Variants in PRKG2 observed in about 807,000 individuals in gnomAD.
The protein encoded by PRKG2 is protein kinase cGMP-dependent 2, also known as cGMP-dependent protein kinase 2.
PRKG2 carries 33 observed loss-of-function variants against 97.2 expected under a neutral mutation model. That is an observed-to-expected ratio of 0.34 (90% CI 0.26 to 0.45). The LOEUF (loss-of-function observed/expected upper bound fraction) is 0.45. PRKG2 is among the 20% of genes least tolerant of loss of function. The pLI is 1.00. For missense variants in PRKG2, 638 were observed against 900.0 expected (o/e 0.71, Z 3.73); for synonymous variants, 330 against 321.8 (o/e 1.03, Z -0.27).
chr4:81,157,900 C>A (rs921362879), intron 6 of PRKG2, among the ~76,000 whole-genome samples: 1 of 146,784 alleles, frequency 6.8e-6, no homozygotes, highest in Middle Eastern at 3.2e-3. Context: ...TAAAAACTCT[C>A]AATAAATTAG....
chr4:81,104,673 A>T (rs938925305), intron 16 of PRKG2, among the ~76,000 whole-genome samples: 1 of 152,014 alleles, frequency 6.6e-6, no homozygotes, highest in African/African-American at 2.4e-5. Context: ...ATATATATAT[A>T]TGTGTGTATA....
intron 9 of PRKG2, among the ~76,000 whole-genome samples, chr4:81,147,421 G>T (rs1276347603): frequency 6.6e-6 from 1 of 152,194 alleles, no homozygotes; most frequent in South Asian, 2.1e-4. Flanking sequence ...GGCATCCAAA[G>T]ATTACCTTTA....
At chr4:81,208,213 A>G (rs1439318678) in intron 1 of PRKG2, among the ~76,000 whole-genome samples, 1 of 152,148 alleles carries the variant, frequency 6.6e-6, no homozygotes, top group East Asian at 1.9e-4. Context: ...ATTTATATCC[A>G]TCTCGTAGGG....
chr4:81,196,314 A>T (rs1009731159), intron 2 of PRKG2, among the ~76,000 whole-genome samples: 1 of 152,232 alleles, frequency 6.6e-6, no homozygotes, highest in African/African-American at 2.4e-5. Context: ...GTCAGAGAAG[A>T]TGACTTAAAT....
chr4:81,152,167 G>A, intron 7 of PRKG2, 113 bp from the exon 8 acceptor site: 1 of 761,634 alleles, frequency 1.3e-6, no homozygotes, highest in South Asian at 1.9e-5. Flanking sequence ...CAAGGAAAAA[G>A]ACAATACTTT....
chr4:81,153,233 A>G (rs1378457326), intron 7 of PRKG2, among the ~76,000 whole-genome samples: 2 of 152,238 alleles, frequency 1.3e-5, no homozygotes, highest in Admixed American at 6.5e-5. Flanking sequence ...CCTAATCATG[A>G]CTGTCTTCAA....
chr4:81,203,700 A>G (rs1753457507), intron 2 of PRKG2, among the ~76,000 whole-genome samples: 1 of 152,210 alleles, frequency 6.6e-6, no homozygotes, highest in African/African-American at 2.4e-5. Context: ...TCGCCCATAA[A>G]GAAATGCATA....
intron 2 of PRKG2, among the ~76,000 whole-genome samples, chr4:81,194,819 A>C (rs940846494): frequency 3.3e-5 from 5 of 152,224 alleles, no homozygotes; most frequent in African/African-American, 1.2e-4. Flanking sequence ...TTAAATCTTC[A>C]AACCAAGTAG....
chr4:81,213,168 T>G (rs1256162360), intron 1 of PRKG2, among the ~76,000 whole-genome samples: 1 of 152,132 alleles, frequency 6.6e-6, no homozygotes, highest in Non-Finnish European at 1.5e-5. Flanking sequence ...GTCATCATGA[T>G]GCAAATGTCT....
In PRKG2 at chr4:81,124,900, T is replaced by C. The variant is rs115534931; in HGVS notation, c.1776+10255A>G. On this transcript the variant is annotated intron_variant, in intron 14 of 18. Transcript: ENST00000264399. ...CCCAGTTTAGAATTGTGGGGGTCCC[T>C]TTACCTGATGATTGGTGTCATTTTT... Among the ~76,000 whole-genome samples the C allele has an allele frequency of 6.9e-3, 1,056 of 152,320 alleles. 8 individuals carry two copies. The highest frequency in any genetic ancestry group is 0.024 in the African/African-American group (997 of 41,578).
intron 1 of PRKG2, among the ~76,000 whole-genome samples, chr4:81,210,940 A>C (rs963385824): frequency 1.3e-5 from 2 of 152,176 alleles, no homozygotes; most frequent in Non-Finnish European, 1.5e-5. Context: ...GAAAGAAGCC[A>C]ATCTGAAAAG....
At chr4:81,097,532 C>T (rs114738147) in intron 17 of PRKG2, among the ~76,000 whole-genome samples, 2,496 of 152,258 alleles carry the variant, frequency 0.016, 74 homozygotes, top group African/African-American at 0.056. Context: ...ATCTGTTCTT[C>T]GGAGCTTTGA....
At chr4:81,174,661 T>C in intron 3 of PRKG2, 132 bp downstream of exon 3, 2 of 833,140 alleles carry the variant, frequency 2.4e-6, no homozygotes, top group Non-Finnish European at 3.7e-6. Flanking sequence ...TCAACAATTT[T>C]GCTATTTCAT....
chr4:81,174,148 A>T (rs1403651705), intron 3 of PRKG2, among the ~76,000 whole-genome samples: 1 of 152,084 alleles, frequency 6.6e-6, no homozygotes, highest in Non-Finnish European at 1.5e-5. Flanking sequence ...TGTTCAAATT[A>T]CCACAGATGA....
At chr4:81,140,733 TG>T in intron 11 of PRKG2, 64 bp from the exon 12 acceptor site, 1 of 1,419,276 alleles carries the variant, frequency 7.0e-7, no homozygotes, top group Non-Finnish European at 9.8e-7. Flanking sequence ...CACTAATCAA[TG>T]AGAGTTAAAA....
At position 81,148,910 on chromosome 4, in the gene PRKG2, A is replaced by T; in HGVS notation, c.1128T>A (p.Asp376Glu). ...CTCGATCTATAACCAGGCATGCAAC[A>T]TCATTTTCTTCAGCAATAATGTTAG... ...RSANIIAEEN[D>E]VACLVIDRET... The change falls in exon 9 of 19, where the codon GAT becomes GAA. Residue 376 changes from aspartate to glutamate, a missense_variant. Transcript: ENST00000264399. The T allele has an allele frequency of 1.9e-6, 3 of 1,613,820 alleles. No homozygotes were observed. Among genetic ancestry groups the T allele is most frequent in the Non-Finnish European group, 2.5e-6 (3 of 1,179,736 alleles).
At chr4:81,148,754 T>C in intron 9 of PRKG2, 130 bp downstream of exon 9, 1 of 803,954 alleles carries the variant, frequency 1.2e-6, no homozygotes, top group South Asian at 1.6e-5. Flanking sequence ...TAATAGAATG[T>C]ACTTGCAGCT....
chr4:81,171,720 T>C lies in PRKG2; in HGVS notation c.713A>G (p.Tyr238Cys). The C allele has an allele frequency of 1.2e-6, 2 of 1,610,076 alleles. No homozygotes were observed. ...CACAGAGGCAGTCCTTGTACAATTG[T>C]ATAAAATGGCAAGCTCCCCAAATGT... ...WTTFGELAILYNCTRTASVKA... is the reference protein window; with the variant it reads ...WTTFGELAILCNCTRTASVKA... Residue 238 changes from tyrosine (Y) to cysteine (C), a missense_variant, in exon 4 of 19, where the codon TAC becomes TGC. This residue lies in a region of PRKG2 where 332 missense variants were observed against 421.7 expected (regional missense o/e 0.79). Transcript: ENST00000264399.
intron 2 of PRKG2, among the ~76,000 whole-genome samples, chr4:81,194,857 C>A (rs1334387944): frequency 6.6e-6 from 1 of 152,164 alleles, no homozygotes; most frequent in Non-Finnish European, 1.5e-5. Context: ...GGGAAACCTG[C>A]TCCTATAACA....
Sources: gnomAD v4.1 joint callset for allele counts (sites outside exome capture counted in the v4.1 genomes callset) on GRCh38, gnomAD v4.1.1 for gene constraint, gnomAD v4.1.1 regional missense constraint, MANE v1.5 for transcripts, NCBI Gene and HGNC (gene_info 2026-07-23, HGNC 2026-07-21) for gene names.